The following ST7 variants were observed in gnomAD, a reference collection of about 807,000 sequenced individuals.
ST7 encodes suppressor of tumorigenicity 7 protein.
In ST7, 28 loss-of-function variants were observed where a neutral mutation model predicts 78.7. The observed-to-expected ratio is 0.36, with a 90% confidence interval of 0.26 to 0.49. The LOEUF is 0.49. Ranked by LOEUF, ST7 falls within the 20% of genes least tolerant of loss-of-function variation. ST7 has a pLI of 0.99. For missense variants in ST7, 418 were observed against 696.0 expected (o/e 0.60, Z 4.49); for synonymous variants, 247 against 249.6 (o/e 0.99, Z 0.10).
At chr7:117,187,891 G>A (rs1478935982) in intron 10 of ST7, among the ~76,000 whole-genome samples, 2 of 152,084 alleles carry the variant, frequency 1.3e-5, no homozygotes, top group African/African-American at 4.8e-5. Flanking sequence ...TCCCCACACT[G>A]GAAAGCTGTT....
chr7:117,184,513 T>C (rs1809057540), intron 10 of ST7, among the ~76,000 whole-genome samples: 1 of 152,252 alleles, frequency 6.6e-6, no homozygotes, highest in Non-Finnish European at 1.5e-5. Flanking sequence ...GTAGCTACTC[T>C]ATTCATCTTA....
At chr7:117,126,492 C>T (rs1427033389) in intron 3 of ST7, among the ~76,000 whole-genome samples, 1 of 151,842 alleles carries the variant, frequency 6.6e-6, no homozygotes, top group Non-Finnish European at 1.5e-5. Context: ...GTTCAATACC[C>T]TTTTCACTTT....
intron 12 of ST7, among the ~76,000 whole-genome samples, chr7:117,200,837 A>ATT (rs1563163439): frequency 9.6e-5 from 14 of 146,282 alleles, no homozygotes; most frequent in African/African-American, 3.2e-4. Context: ...TTTTTTTTAA[A>ATT]AAAAAAAGAA....
chr7:117,038,506 C>A (rs1230957209), intron 1 of ST7, among the ~76,000 whole-genome samples: 2 of 152,160 alleles, frequency 1.3e-5, no homozygotes, highest in African/African-American at 4.8e-5. Context: ...GATTTTGGTT[C>A]TGCCCTTGAC....
At chr7:117,109,229 G>T (rs995041223) in intron 2 of ST7, among the ~76,000 whole-genome samples, 7 of 152,126 alleles carry the variant, frequency 4.6e-5, no homozygotes, top group African/African-American at 1.7e-4. Context: ...TTGGCTGGGG[G>T]TTTGTCAGAG....
chr7:117,221,429 A>G (rs1744151713), intron 14 of ST7, among the ~76,000 whole-genome samples: 2 of 152,162 alleles, frequency 1.3e-5, no homozygotes, highest in Non-Finnish European at 2.9e-5. Flanking sequence ...GGGTGCCAGG[A>G]AAAAATACAG....
chr7:117,003,748 C>G (rs1041973069), intron 1 of ST7, among the ~76,000 whole-genome samples: 2 of 152,134 alleles, frequency 1.3e-5, no homozygotes, highest in Non-Finnish European at 2.9e-5. Flanking sequence ...TATATCTTTT[C>G]CTTGTGGTGT....
intron 2 of ST7, among the ~76,000 whole-genome samples, chr7:117,108,833 A>AT (rs1802185286): frequency 1.3e-5 from 2 of 151,756 alleles, no homozygotes; most frequent in Non-Finnish European, 2.9e-5. Flanking sequence ...ATTCCTAAGT[A>AT]TTTTTTTATT....
chr7:117,155,929 G>T (rs1226335399), intron 9 of ST7, among the ~76,000 whole-genome samples: 1 of 152,168 alleles, frequency 6.6e-6, no homozygotes, highest in Non-Finnish European at 1.5e-5. Flanking sequence ...ACTGCTGGAA[G>T]CTTTCCCCAG....
chr7:117,095,879 C>T (rs1229836005), intron 1 of ST7, among the ~76,000 whole-genome samples: 3 of 151,618 alleles, frequency 2.0e-5, no homozygotes, highest in Non-Finnish European at 4.4e-5. Context: ...AGAGGCCTGG[C>T]CAACATGGTG....
At chr7:117,107,690 T>G (rs911504262) in intron 2 of ST7, among the ~76,000 whole-genome samples, 15 of 143,292 alleles carry the variant, frequency 1.0e-4, no homozygotes, top group Non-Finnish European at 2.0e-4. Context: ...CTCGGCTCAC[T>G]GCAACCTCTG....
intron 1 of ST7, among the ~76,000 whole-genome samples, chr7:117,010,983 T>C (rs997188534): frequency 1.3e-5 from 2 of 152,188 alleles, no homozygotes. Context: ...TCACACTCTG[T>C]GTCCAGCTGT....
intron 1 of ST7, among the ~76,000 whole-genome samples, chr7:116,965,183 CA>C (rs1407236327): frequency 1.3e-4 from 19 of 151,970 alleles, no homozygotes; most frequent in African/African-American, 4.3e-4. Context: ...ACTAAAAATA[CA>C]AAAAAATTAG....
chr7:117,223,643 C>A (rs1329755806), intron 15 of ST7: 1 of 152,560 alleles, frequency 6.6e-6, no homozygotes, highest in East Asian at 1.9e-4. Context: ...CTACTAATGC[C>A]TCTTCATTCT....
intron 12 of ST7, among the ~76,000 whole-genome samples, chr7:117,197,630 AC>A (rs1456182060): frequency 1.3e-5 from 2 of 152,182 alleles, no homozygotes; most frequent in African/African-American, 4.8e-5. Flanking sequence ...ATATTTATGA[AC>A]CTATTAAGTA....
At position 117,059,806 on chromosome 7, in the gene ST7, G is replaced by GC. The variant is rs1483260685; in HGVS notation, c.152-39955dup. Among the ~76,000 whole-genome samples, 16 of 71,448 alleles carry GC rather than the reference G, an allele frequency of 2.2e-4. No individual in the cohort carries two copies. The South Asian group carries it at 3.6e-3, about 16-fold the overall frequency. 46.9% of individuals were successfully genotyped at this position (71,448 alleles called of 152,430 possible). On this transcript the variant is annotated intron_variant, in intron 1 of 15. Transcript: ENST00000323984. ...TGCTACTTAGTAAGACTTCATCTCT[G>GC]CAAAAAAAAAAAAAAAAAAAAAAAA...
At chr7:117,063,106 A>T (rs1210046335) in intron 1 of ST7, among the ~76,000 whole-genome samples, 1 of 152,222 alleles carries the variant, frequency 6.6e-6, no homozygotes, top group African/African-American at 2.4e-5. Flanking sequence ...AAATAATCAA[A>T]ATCAAAGATA....
At chr7:117,149,592 CTTTT>C (rs59067333) in intron 9 of ST7, among the ~76,000 whole-genome samples, 66 of 83,958 alleles carry the variant, frequency 7.9e-4, no homozygotes, top group African/African-American at 2.4e-3. Flanking sequence ...CGTGTCCTAC[CTTTT>C]TTTTTTTTTT....
chr7:117,168,414 A>C (rs999367184), intron 9 of ST7, among the ~76,000 whole-genome samples: 2 of 152,214 alleles, frequency 1.3e-5, no homozygotes, highest in Admixed American at 1.3e-4. Context: ...GAAAACAATA[A>C]ATGTTTAAAT....
Sources: allele counts gnomAD v4.1 joint callset (sites outside exome capture counted in the v4.1 genomes callset), GRCh38; gene constraint gnomAD v4.1.1; transcripts MANE v1.5; gene names NCBI Gene and HGNC (gene_info 2026-07-23, HGNC 2026-07-21).